STK31: variants seen among roughly 807,000 people sequenced by gnomAD.
The protein encoded by STK31 is serine/threonine-protein kinase 31.
Under a neutral mutation model 129.7 loss-of-function variants are expected in STK31, and 89 were observed. That is an observed-to-expected ratio of 0.69 (90% CI 0.58 to 0.82). The LOEUF (loss-of-function observed/expected upper bound fraction) is 0.82. Among genes scored for constraint, STK31 ranks in the 40% least tolerant of loss-of-function variants. The pLI is 0.00. For synonymous variants in STK31, 448 were observed against 395.3 expected, an observed-to-expected ratio of 1.13 and a Z score of -1.58; for missense variants, 1,187 against 1,176.4, an observed-to-expected ratio of 1.01 and a Z score of -0.13.
At chr7:23,746,931 A>G (rs565444309) in intron 8 of STK31, among the ~76,000 whole-genome samples, 2 of 152,046 alleles carry the variant, frequency 1.3e-5, no homozygotes, top group East Asian at 3.9e-4. Flanking sequence ...TTTTTTCTCA[A>G]TAAGTTATAC....
chr7:23,793,368 C>T (rs1383284654), intron 22 of STK31, among the ~76,000 whole-genome samples: 4 of 152,126 alleles, frequency 2.6e-5, no homozygotes, highest in Non-Finnish European at 4.4e-5. Flanking sequence ...CAGAAAACAT[C>T]AACTCTAAAA....
At chr7:23,738,018 A>G (rs1001795565) in intron 8 of STK31, among the ~76,000 whole-genome samples, 9 of 152,226 alleles carry the variant, frequency 5.9e-5, no homozygotes, top group Admixed American at 2.6e-4. Flanking sequence ...CATATACCCT[A>G]CAAGTTAAGG....
At chr7:23,770,892 C>G in intron 13 of STK31, 113 bp from the exon 14 acceptor site, 1 of 1,114,214 alleles carries the variant, frequency 9.0e-7, no homozygotes, top group South Asian at 1.7e-5. Context: ...GTTTTGAAAT[C>G]ACTGCGGAAA....
chr7:23,827,426 G>A (rs1029575745), intron 23 of STK31, among the ~76,000 whole-genome samples: 2 of 151,874 alleles, frequency 1.3e-5, no homozygotes, highest in Admixed American at 6.6e-5. Context: ...TGTATTTCTC[G>A]TGCCATGGTT....
chr7:23,747,518 C>T (rs935237402), intron 8 of STK31, among the ~76,000 whole-genome samples: 11 of 152,020 alleles, frequency 7.2e-5, no homozygotes, highest in African/African-American at 2.4e-4. Flanking sequence ...TACAGGCGCC[C>T]GCCACCATGC....
chr7:23,720,824 A>C (rs1180241067), intron 4 of STK31, among the ~76,000 whole-genome samples: 1 of 152,188 alleles, frequency 6.6e-6, no homozygotes, highest in Non-Finnish European at 1.5e-5. Context: ...ATTACCCCGG[A>C]ATATATGTAC....
intron 6 of STK31, among the ~76,000 whole-genome samples, chr7:23,734,582 C>A (rs1787609249): frequency 6.6e-6 from 1 of 152,140 alleles, no homozygotes; most frequent in Admixed American, 6.5e-5. Flanking sequence ...GATAGATATT[C>A]AGTAGCTCAA....
chr7:23,730,878 A>ATATATATATATATATTTTT, intron 6 of STK31, among the ~76,000 whole-genome samples: 33 of 59,522 alleles, frequency 5.5e-4, no homozygotes, highest in Non-Finnish European at 8.5e-4. Context: ...ATATATATAT[A>ATATATATATATATATTTTT]TTTTTTTTTT....
At chr7:23,820,553 T>C (rs1207419745) in intron 23 of STK31, among the ~76,000 whole-genome samples, 1 of 152,236 alleles carries the variant, frequency 6.6e-6, no homozygotes, top group Non-Finnish European at 1.5e-5. Flanking sequence ...CTTCTGGCTA[T>C]TTTGAAATAT....
intron 4 of STK31, among the ~76,000 whole-genome samples, chr7:23,726,951 A>T (rs920962009): frequency 2.6e-5 from 4 of 152,022 alleles, no homozygotes; most frequent in African/African-American, 9.7e-5. Flanking sequence ...TGCCTTAAAA[A>T]ATTTTTTTTT....
chr7:23,749,742 C>T (rs1205266605), intron 8 of STK31, among the ~76,000 whole-genome samples: 1 of 151,972 alleles, frequency 6.6e-6, no homozygotes, highest in African/African-American at 2.4e-5. Flanking sequence ...GTAAGATGTA[C>T]GCGGGAGTGA....
rs1021620402 is a variant in STK31, at chr7:23,735,719, A to G, written c.665A>G (p.Glu222Gly). ...CRLASRTDIC[E>G]EKKLDPGQLV... is the part of the protein sequence containing the mutation. ...CTTGCTTCCAGAACTGACATCTGTG[A>G]GGAAAAAAAATTGGATCCTGGTCAA... Residue 222 changes from glutamate to glycine, a missense_variant, in exon 7 of 24, where the codon GAG becomes GGG. Physicochemically the swap from Glu to Gly is moderately conservative, Grantham distance 98. Around this residue, in one of 5 missense-constraint regions of STK31, gnomAD observed 975 missense variants for 934.9 expected, o/e 1.04. Transcript: ENST00000355870. 1 of 1,613,962 alleles carries G rather than the reference A, an allele frequency of 6.2e-7. No homozygotes were observed. The highest frequency in any genetic ancestry group is 1.3e-5 in the African/African-American group (1 of 74,928).
intron 11 of STK31, among the ~76,000 whole-genome samples, chr7:23,766,851 T>G (rs1182546472): frequency 6.6e-6 from 1 of 152,178 alleles, no homozygotes; most frequent in Non-Finnish European, 1.5e-5. Context: ...TAATGGCTAA[T>G]CTATTGTTTA....
At chr7:23,733,186 T>A (rs1321577769) in intron 6 of STK31, among the ~76,000 whole-genome samples, 1 of 152,126 alleles carries the variant, frequency 6.6e-6, no homozygotes, top group Admixed American at 6.5e-5. Flanking sequence ...ATAGGAATTT[T>A]ATGCCTTGAA....
chr7:23,767,344 A>G (rs1445033558), intron 11 of STK31, among the ~76,000 whole-genome samples: 2 of 152,158 alleles, frequency 1.3e-5, no homozygotes, highest in Non-Finnish European at 2.9e-5. Context: ...AGTTATATGA[A>G]GGGCCTAGGG....
chr7:23,829,951 T>G (rs192911869), intron 23 of STK31, among the ~76,000 whole-genome samples: 4 of 152,308 alleles, frequency 2.6e-5, no homozygotes, highest in Non-Finnish European at 4.4e-5. Flanking sequence ...TTTTGTATTT[T>G]TTTGTTTGTT....
chr7:23,791,880 C>T (rs961225136), intron 22 of STK31, among the ~76,000 whole-genome samples: 1 of 152,164 alleles, frequency 6.6e-6, no homozygotes. Flanking sequence ...GTACTGAGTT[C>T]TGCTGCTATA....
chr7:23,740,990 G>C (rs1040086331), intron 8 of STK31, among the ~76,000 whole-genome samples: 1 of 152,174 alleles, frequency 6.6e-6, no homozygotes, highest in Non-Finnish European at 1.5e-5. Flanking sequence ...GGATTGTCCA[G>C]TGTTGACCAG....
At chr7:23,714,034 A>G (rs1786146299) in intron 3 of STK31, among the ~76,000 whole-genome samples, 1 of 152,126 alleles carries the variant, frequency 6.6e-6, no homozygotes, top group African/African-American at 2.4e-5. Flanking sequence ...TGATGTTACA[A>G]TGGCTAGGAC....
Sources: allele counts gnomAD v4.1 joint callset (sites outside exome capture counted in the v4.1 genomes callset), GRCh38; gene constraint gnomAD v4.1.1; regional missense constraint gnomAD v4.1.1; transcripts MANE v1.5; gene names NCBI Gene and HGNC (gene_info 2026-07-23, HGNC 2026-07-21).